Variants in ADAMTSL1 observed in about 807,000 individuals in gnomAD.
ADAMTSL1 encodes ADAMTS-like protein 1.
Under a neutral mutation model 201.8 loss-of-function variants are expected in ADAMTSL1, and 126 were observed. The observed-to-expected ratio is 0.62, with a 90% CI of 0.54 to 0.72. The LOEUF (loss-of-function observed/expected upper bound fraction) is 0.72. Among genes scored for constraint, ADAMTSL1 ranks in the 30% least tolerant of loss-of-function variants. The probability of loss-of-function intolerance (pLI) is 0.00; values close to 1 mark genes in which losing one functional copy is unlikely to be tolerated. For synonymous variants in ADAMTSL1, 1,121 were observed against 903.4 expected (o/e 1.24, Z -4.32); for missense variants, 2,679 against 2,277.8 (o/e 1.18, Z -3.59).
chr9:18,698,288 A>AT (rs986093520), intron 13 of ADAMTSL1, among the ~76,000 whole-genome samples: 52 of 150,046 alleles, frequency 3.5e-4, no homozygotes, highest in Non-Finnish European at 5.6e-4. Flanking sequence ...CAATATTTTA[A>AT]TTTTTTTTTT....
chr9:18,605,440 C>A (rs1043840119), intron 4 of ADAMTSL1, among the ~76,000 whole-genome samples: 1 of 152,202 alleles, frequency 6.6e-6, no homozygotes, highest in African/African-American at 2.4e-5. Flanking sequence ...GAAGTTATCA[C>A]TGGTGGAACT....
chr9:18,275,427 A>G (rs1256171114), intron 2 of ADAMTSL1, among the ~76,000 whole-genome samples: 1 of 152,150 alleles, frequency 6.6e-6, no homozygotes, highest in Non-Finnish European at 1.5e-5. Context: ...ATGAATAGTC[A>G]TCCAACTATC....
chr9:18,327,828 A>C (rs902729136), intron 2 of ADAMTSL1, among the ~76,000 whole-genome samples: 7 of 152,232 alleles, frequency 4.6e-5, no homozygotes, highest in Non-Finnish European at 1.0e-4. Flanking sequence ...AGGCAGAAAT[A>C]TAGCTTGCTT....
At position 18,826,376 on chromosome 9, in the gene ADAMTSL1, G is replaced by A. The variant is rs374073733; in HGVS notation, c.4027G>A (p.Val1343Met). 3.7e-5 allele frequency: 59 copies of A among 1,613,480 alleles called. No homozygotes were observed. Among genetic ancestry groups the A allele is most frequent in the Admixed American group, 3.0e-4 (18 of 59,954 alleles). Reference sequence around the variant, plus strand: ...CGAAGGCTCCTTGCTGCTCACAAACGTGTCCTCCTCGGATCAGGGCCTGTA... The same window carrying A: ...CGAAGGCTCCTTGCTGCTCACAAACATGTCCTCCTCGGATCAGGGCCTGTA... ...LHEGSLLLTNVSSSDQGLYSC... is the reference protein window; with the variant it reads ...LHEGSLLLTNMSSSDQGLYSC... The change falls in exon 22 of 29, where the codon GTG (valine) becomes ATG (methionine). Residue 1343 changes from valine to methionine, a missense_variant. Val to Met is a conservative substitution (Grantham distance 21, BLOSUM62 1). Transcript: ENST00000380548.
chr9:18,306,077 T>A (rs1833897564), intron 2 of ADAMTSL1, among the ~76,000 whole-genome samples: 1 of 151,738 alleles, frequency 6.6e-6, no homozygotes, highest in Admixed American at 6.6e-5. Flanking sequence ...GGGCATGGAG[T>A]ATCCAGCAGA....
At chr9:18,455,065 A>G (rs1032674504) in intron 2 of ADAMTSL1, among the ~76,000 whole-genome samples, 4 of 152,188 alleles carry the variant, frequency 2.6e-5, no homozygotes, top group African/African-American at 9.7e-5. Flanking sequence ...TATGATTTTT[A>G]CTATACTACT....
intron 1 of ADAMTSL1, among the ~76,000 whole-genome samples, chr9:18,087,512 T>G (rs918669466): frequency 1.3e-5 from 2 of 152,124 alleles, no homozygotes. Context: ...AAAACAAATC[T>G]CTTCATAAAA....
chr9:18,007,010 GA>G (rs1219131048), intron 1 of ADAMTSL1, among the ~76,000 whole-genome samples: 1 of 151,888 alleles, frequency 6.6e-6, no homozygotes, highest in South Asian at 2.1e-4. Flanking sequence ...TAAAGTGGTA[GA>G]AAAAAAGAAA....
At chr9:18,656,095 T>C (rs1003819880) in intron 7 of ADAMTSL1, among the ~76,000 whole-genome samples, 4 of 152,070 alleles carry the variant, frequency 2.6e-5, no homozygotes. Context: ...TCTTCCTTCT[T>C]TCCACCCCTC....
At chr9:18,798,010 T>C (rs1167773640) in intron 20 of ADAMTSL1, among the ~76,000 whole-genome samples, 1 of 152,166 alleles carries the variant, frequency 6.6e-6, no homozygotes, top group Non-Finnish European at 1.5e-5. Flanking sequence ...AGTCAAATCC[T>C]CTTGATGAAT....
chr9:18,494,074 G>A (rs1822399463), intron 1 of ADAMTSL1, among the ~76,000 whole-genome samples: 1 of 152,110 alleles, frequency 6.6e-6, no homozygotes, highest in African/African-American at 2.4e-5. Context: ...AAACACACAG[G>A]ATGGCTGGGT....
In ADAMTSL1 at chr9:18,040,515, T is replaced by C. The variant is rs560472156; in HGVS notation, c.88-123347T>C. Among the ~76,000 whole-genome samples the C allele has an allele frequency of 2.6e-5, 4 of 152,296 alleles. No homozygotes were observed. In the East Asian group the frequency reaches 7.7e-4, roughly 29 times the overall value. On this transcript the variant is annotated intron_variant, in intron 1 of 29. Transcript: ENST00000680146. ...GGTAGGAATCATGGGAAATTATACA[T>C]TATGTGTAGACGAAATGTCTGTGCA...
chr9:18,565,944 A>G (rs751855977), intron 3 of ADAMTSL1, among the ~76,000 whole-genome samples: 2 of 152,220 alleles, frequency 1.3e-5, no homozygotes, highest in African/African-American at 2.4e-5. Context: ...TAAATGTTAT[A>G]TAAAATTTAC....
At chr9:18,893,927 T>A (rs553786903) in intron 26 of ADAMTSL1, among the ~76,000 whole-genome samples, 1 of 152,374 alleles carries the variant, frequency 6.6e-6, no homozygotes, top group African/African-American at 2.4e-5. Flanking sequence ...TAATTCAGCT[T>A]TCTCCTTTTA....
chr9:17,991,332 G>T (rs918369072), intron 1 of ADAMTSL1, among the ~76,000 whole-genome samples: 11 of 152,044 alleles, frequency 7.2e-5, no homozygotes, highest in African/African-American at 2.7e-4. Flanking sequence ...TGTGGAAAAA[G>T]AACATTTTTA....
At chr9:18,334,629 A>G (rs1428603073) in intron 2 of ADAMTSL1, among the ~76,000 whole-genome samples, 2 of 152,166 alleles carry the variant, frequency 1.3e-5, no homozygotes, top group Admixed American at 6.6e-5. Context: ...ATATAAACCA[A>G]TTCATCTATC....
intron 1 of ADAMTSL1, among the ~76,000 whole-genome samples, chr9:18,099,637 T>C (rs1176712302): frequency 1.9e-5 from 2 of 103,220 alleles, no homozygotes; most frequent in Admixed American, 8.4e-5. Context: ...TCTCTCTCCC[T>C]TTTTTTTTTT....
chr9:18,721,697 G>T (rs755258812), intron 15 of ADAMTSL1, 32 bp downstream of exon 15: 1 of 1,611,038 alleles, frequency 6.2e-7, no homozygotes, highest in South Asian at 1.1e-5. Context: ...CTGCTGTCCA[G>T]GGGCACGTAC....
At chr9:18,581,776 G>A (rs1823111706) in intron 4 of ADAMTSL1, among the ~76,000 whole-genome samples, 1 of 152,120 alleles carries the variant, frequency 6.6e-6, no homozygotes, top group African/African-American at 2.4e-5. Flanking sequence ...TACCGAGCAG[G>A]AAAAAAATCC....
Sources: gnomAD v4.1 joint callset for allele counts (sites outside exome capture counted in the v4.1 genomes callset) on GRCh38, gnomAD v4.1.1 for gene constraint, MANE v1.5 for transcripts, NCBI Gene and HGNC (gene_info 2026-07-23, HGNC 2026-07-21) for gene names.